Variants in KCNK10 observed in about 807,000 individuals in gnomAD.
KCNK10 encodes the protein potassium channel subfamily K member 10.
A neutral mutation model predicts 47.7 loss-of-function variants in KCNK10; 25 were observed. The ratio of observed to expected loss-of-function variants is 0.52; its 90% CI spans 0.38 to 0.73. The LOEUF (loss-of-function observed/expected upper bound fraction) is 0.73. Ranked by LOEUF, KCNK10 falls within the 30% of genes least tolerant of loss-of-function variation. The pLI is 0.00. For synonymous variants in KCNK10, 303 were observed against 285.6 expected (o/e 1.06, Z -0.61); for missense variants, 563 against 714.5 (o/e 0.79, Z 2.42).
chr14:88,198,109 G>A (rs1314590811), intron 4 of KCNK10, among the ~76,000 whole-genome samples: 1 of 152,186 alleles, frequency 6.6e-6, no homozygotes, highest in Non-Finnish European at 1.5e-5. Context: ...TGTAGCTCTG[G>A]CATGTGGAAT....
intron 1 of KCNK10, among the ~76,000 whole-genome samples, chr14:88,310,205 G>GATATACCATATCATATGTTATATC (rs1888292498): frequency 2.4e-5 from 1 of 42,340 alleles, no homozygotes; most frequent in African/African-American, 5.9e-5. Context: ...TATGGTATAT[G>GATATACCATATCATATGTTATATC]ATATACCATA....
At chr14:88,258,081 C>A (rs1382671568) in intron 2 of KCNK10, among the ~76,000 whole-genome samples, 1 of 152,080 alleles carries the variant, frequency 6.6e-6, no homozygotes, top group African/African-American at 2.4e-5. Flanking sequence ...CATTAAGAAC[C>A]ACTGCTTGAA....
upstream of KCNK10, among the ~76,000 whole-genome samples, chr14:88,325,329 G>C (rs116917931): frequency 0.02 from 3,118 of 152,308 alleles, 41 homozygotes; most frequent in Middle Eastern, 0.061. Context: ...GGCTTCAGCA[G>C]AGAAAGACAC....
chr14:88,187,632 C>CCCCCG (rs1555359139), intron 6 of KCNK10, among the ~76,000 whole-genome samples: 2 of 150,448 alleles, frequency 1.3e-5, no homozygotes, highest in Non-Finnish European at 3.0e-5. Context: ...TGCACCCCCC[C>CCCCCG]ACACACACAC....
chr14:88,199,317 G>A (rs1483218997), intron 4 of KCNK10, among the ~76,000 whole-genome samples: 1 of 152,166 alleles, frequency 6.6e-6, no homozygotes, highest in Non-Finnish European at 1.5e-5. Context: ...CTCCTCAAGG[G>A]AAGGTGAGTT....
At chr14:88,208,166 T>A (rs1482584941) in intron 4 of KCNK10, among the ~76,000 whole-genome samples, 1 of 152,250 alleles carries the variant, frequency 6.6e-6, no homozygotes, top group East Asian at 1.9e-4. Context: ...TCCTTTTTTA[T>A]TTCCCTAAAA....
intron 4 of KCNK10, among the ~76,000 whole-genome samples, chr14:88,202,469 G>A (rs1016301122): frequency 2.6e-5 from 4 of 152,158 alleles, no homozygotes; most frequent in African/African-American, 7.2e-5. Context: ...TGTGACCCAG[G>A]CTTTCCCAGC....
At chr14:88,198,394 T>C (rs187653923) in intron 4 of KCNK10, among the ~76,000 whole-genome samples, 37 of 152,258 alleles carry the variant, frequency 2.4e-4, no homozygotes, top group African/African-American at 8.9e-4. Context: ...TGCTCACCTA[T>C]CCAAATTCTA....
At chr14:88,191,288 G>C (rs1358127578) in intron 5 of KCNK10, among the ~76,000 whole-genome samples, 1 of 147,994 alleles carries the variant, frequency 6.8e-6, no homozygotes, top group African/African-American at 2.5e-5. Context: ...AAAAAAAACA[G>C]TCTGCTTAGG....
intron 3 of KCNK10, among the ~76,000 whole-genome samples, chr14:88,229,438 A>G (rs1392994757): frequency 6.6e-6 from 1 of 152,154 alleles, no homozygotes; most frequent in Non-Finnish European, 1.5e-5. Flanking sequence ...CAGGGAGAAA[A>G]AAATCAATGG....
At chr14:88,312,413 C>T (rs1420115643) in intron 1 of KCNK10, among the ~76,000 whole-genome samples, 4 of 152,218 alleles carry the variant, frequency 2.6e-5, no homozygotes, top group East Asian at 1.9e-4. Context: ...CCCAGGCACA[C>T]GGTCCCTGCC....
At chr14:88,284,932 A>C (rs1042080868) in intron 1 of KCNK10, among the ~76,000 whole-genome samples, 1 of 152,192 alleles carries the variant, frequency 6.6e-6, no homozygotes, top group African/African-American at 2.4e-5. Flanking sequence ...TGTGCAAATT[A>C]AATACATAAT....
chr14:88,283,736 C>A (rs1887702698), intron 1 of KCNK10, among the ~76,000 whole-genome samples: 1 of 151,988 alleles, frequency 6.6e-6, no homozygotes, highest in African/African-American at 2.4e-5. Flanking sequence ...ATGGTGAAAC[C>A]CCGTCTCTAC....
At chr14:88,229,177 CA>C (rs1886080942) in intron 3 of KCNK10, among the ~76,000 whole-genome samples, 1 of 152,198 alleles carries the variant, frequency 6.6e-6, no homozygotes, top group East Asian at 1.9e-4. Flanking sequence ...CATAGGCAAA[CA>C]AGTGGAGGCT....
At chr14:88,258,309 G>A (rs1051226411) in intron 2 of KCNK10, among the ~76,000 whole-genome samples, 3 of 134,082 alleles carry the variant, frequency 2.2e-5, no homozygotes, top group Non-Finnish European at 4.7e-5. Context: ...TTTTTTTTTC[G>A]AGATGGAGTC....
chr14:88,296,396 T>C (rs975006812), intron 1 of KCNK10, among the ~76,000 whole-genome samples: 2 of 152,350 alleles, frequency 1.3e-5, no homozygotes, highest in Middle Eastern at 3.4e-3. Flanking sequence ...TGTTATCATT[T>C]AAAAATAGTG....
chr14:88,218,450 C>G (rs1213067173), intron 4 of KCNK10, among the ~76,000 whole-genome samples: 1 of 151,892 alleles, frequency 6.6e-6, no homozygotes, highest in East Asian at 1.9e-4. Flanking sequence ...AATTTTGGCA[C>G]TCGTAAGTCT....
chr14:88,306,695 T>G (rs11159853), intron 1 of KCNK10, among the ~76,000 whole-genome samples: 256 of 149,172 alleles, frequency 1.7e-3, no homozygotes, highest in South Asian at 6.1e-3. Context: ...GGAGGGGGCA[T>G]GGGGTAGGAG....
intron 5 of KCNK10, among the ~76,000 whole-genome samples, chr14:88,191,252 AAAAAACAAAAAC>A (rs1010441172): frequency 1.4e-5 from 2 of 147,168 alleles, no homozygotes; most frequent in African/African-American, 5.0e-5. Flanking sequence ...CCCTGTTCAA[AAAAAACAAAAAC>A]AAAAACAAAA....
Sources: allele counts gnomAD v4.1 joint callset (sites outside exome capture counted in the v4.1 genomes callset), GRCh38; gene constraint gnomAD v4.1.1; transcripts MANE v1.5; gene names NCBI Gene and HGNC (gene_info 2026-07-23, HGNC 2026-07-21).